The following RMND1 variants were observed in gnomAD, a reference collection of about 807,000 sequenced individuals.
RMND1 encodes required for meiotic nuclear division 1 homolog, also known as required for meiotic nuclear division protein 1 homolog.
In RMND1, 41 loss-of-function variants were observed where a neutral mutation model predicts 54.0. That is an observed-to-expected ratio of 0.76 (90% CI 0.59 to 0.98). The LOEUF (loss-of-function observed/expected upper bound fraction) is 0.98. RMND1 is among the 50% of genes least tolerant of loss of function. The probability of loss-of-function intolerance (pLI) is 0.00; values close to 1 mark genes in which losing one functional copy is unlikely to be tolerated. For missense variants in RMND1, 457 were observed against 532.0 expected (o/e 0.86, Z 1.39); for synonymous variants, 183 against 181.7 (o/e 1.01, Z -0.06).
At chr6:151,450,595 G>C (rs1347435429) in intron 1 of RMND1, among the ~76,000 whole-genome samples, 3 of 144,728 alleles carry the variant, frequency 2.1e-5, no homozygotes, top group Non-Finnish European at 4.5e-5. Flanking sequence ...TCAGCCCCCC[G>C]CCCGGCCAGC....
chr6:151,410,212 G>A lies in RMND1; in HGVS notation c.1201-4376C>T, dbSNP rs547425230. ...TGGGACTACAGACGCCCGCCACCAC[G>A]CCCAGCTAATTTTTTTGTATTTTTA... On this transcript the variant is annotated intron_variant, in intron 10 of 11. Coordinates refer to ENST00000444024, the MANE Select transcript of RMND1 (RefSeq NM_017909.4). Among the ~76,000 whole-genome samples, 199 of 152,006 alleles carry A rather than the reference G, an allele frequency of 1.3e-3. No homozygotes were observed. In the Middle Eastern group the frequency reaches 0.017, roughly 13 times the overall value.
intron 2 of RMND1, among the ~76,000 whole-genome samples, chr6:151,437,384 T>TA (rs1338508272): frequency 6.6e-6 from 1 of 152,252 alleles, no homozygotes; most frequent in Non-Finnish European, 1.5e-5. Flanking sequence ...TGTAAAATGT[T>TA]AAATATATTT....
rs143315024 is a variant in RMND1 at position 151,439,887 on chromosome 6, C to G, written c.505-3333G>C. On this transcript the variant is annotated intron_variant, in intron 2 of 11. Transcript: ENST00000444024. Reference sequence around the variant, plus strand: ...GTTGGTCAGGCTGGCCTCAAACTCCCGACCTCATCTGATCCTCCCGCCTCG... The same window carrying G: ...GTTGGTCAGGCTGGCCTCAAACTCCGGACCTCATCTGATCCTCCCGCCTCG... Among the ~76,000 whole-genome samples the G allele has an allele frequency of 5.8e-3, 859 of 148,498 alleles. 8 individuals are homozygous for G. Among genetic ancestry groups the G allele is most frequent in the African/African-American group, 0.02 (824 of 40,256 alleles).
At chr6:151,409,510 A>T (rs1368392463) in intron 10 of RMND1, among the ~76,000 whole-genome samples, 1 of 152,220 alleles carries the variant, frequency 6.6e-6, no homozygotes, top group Non-Finnish European at 1.5e-5. Flanking sequence ...TTTCATTTTG[A>T]AATTTTAATC....
At chr6:151,442,869 T>C (rs1036916791) in intron 2 of RMND1, among the ~76,000 whole-genome samples, 2 of 152,000 alleles carry the variant, frequency 1.3e-5, no homozygotes, top group African/African-American at 4.8e-5. Flanking sequence ...GCCAAAGGGA[T>C]GTGGGTTGAG....
In RMND1 at chr6:151,424,483, G is replaced by A. The variant is rs565444595; in HGVS notation, c.831-852C>T. Among the ~76,000 whole-genome samples the A allele has an allele frequency of 2.0e-5, 3 of 150,614 alleles. No individual in the cohort carries two copies. The East Asian group carries it at 5.9e-4, about 30-fold the overall frequency. ...GTCTCCAAAAAAAAAAAAAAGGTCA[G>A]TGTTTAAGAGTAAAAAATTAGGAAA... On this transcript the variant is annotated intron_variant, in intron 6 of 11. Transcript: ENST00000444024.
chr6:151,421,615 T>A (rs899247548), intron 8 of RMND1, among the ~76,000 whole-genome samples: 2 of 152,200 alleles, frequency 1.3e-5, no homozygotes, highest in Admixed American at 1.3e-4. Context: ...ATAATTAGAT[T>A]ACTCTTTCAC....
chr6:151,445,720 T>G lies in RMND1; in HGVS notation c.92A>C (p.Lys31Thr). ...TGTATTTTCAAATTCCTTAAGTGGTTTTAACATTAGATGACCGATTCTTCG... is the reference window on the plus strand; with the variant it reads ...TGTATTTTCAAATTCCTTAAGTGGTGTTAACATTAGATGACCGATTCTTCG... The part of the protein sequence containing the change: ...QCRRIGHLML[K>T]PLKEFENTTC... Residue 31 changes from lysine to threonine, a missense_variant, in exon 2 of 12, where the codon AAA becomes ACA. Lys to Thr is a moderately conservative substitution (Grantham distance 78, BLOSUM62 -1). Transcript: ENST00000444024. The G allele has an allele frequency of 6.2e-7, 1 of 1,614,182 alleles. No homozygotes were observed. Among genetic ancestry groups the G allele is most frequent in the Non-Finnish European group, 8.5e-7 (1 of 1,180,034 alleles).
intron 2 of RMND1, among the ~76,000 whole-genome samples, chr6:151,440,030 C>T (rs368880616): frequency 1.3e-5 from 2 of 152,196 alleles, no homozygotes; most frequent in South Asian, 4.1e-4. Context: ...GATCTCAGCT[C>T]ACTGCAACCT....
Position 151,408,835 on chromosome 6 carries a change from G to T in RMND1, c.1201-2999C>A, listed in dbSNP as rs1339685413. The T allele has an allele frequency of 2.0e-5, 3 of 152,188 alleles. No homozygotes were observed. The East Asian group carries it at 5.8e-4, about 29-fold the overall frequency. The allele number at this position is 152,188 out of a possible 1,614,324, so 9.4% of individuals were successfully genotyped here. On this transcript the variant is annotated intron_variant, in intron 10 of 11. Transcript: ENST00000444024. ...CAGTCACTGGAAAAGGTGAGGAAAT[G>T]GATTCCACTCGCAGTCTCCAAAGAG...
At chr6:151,425,451 T>TACACAC (rs375187928) in intron 6 of RMND1, among the ~76,000 whole-genome samples, 1 of 150,210 alleles carries the variant, frequency 6.7e-6, no homozygotes, top group Admixed American at 6.6e-5. Context: ...TGGATAAGCG[T>TACACAC]ACACACACAC....
chr6:151,451,764 G>A (rs1358521865), intron 1 of RMND1, among the ~76,000 whole-genome samples: 1 of 152,150 alleles, frequency 6.6e-6, no homozygotes, highest in African/African-American at 2.4e-5. Context: ...GGAGTATGCC[G>A]TTCAATTCCT....
chr6:151,423,711 C>T, intron 6 of RMND1, 80 bp from the exon 7 acceptor site: 10 of 928,948 alleles, frequency 1.1e-5, no homozygotes, highest in Non-Finnish European at 1.6e-5. Flanking sequence ...ACCATATCAT[C>T]TTTCTGGAGG....
chr6:151,430,739 G>A (rs531105406), intron 4 of RMND1, among the ~76,000 whole-genome samples: 3 of 152,160 alleles, frequency 2.0e-5, no homozygotes, highest in Non-Finnish European at 4.4e-5. Context: ...ATTATTTAGG[G>A]TCTAAAACTA....
At chr6:151,444,383 A>C (rs541072946) in intron 2 of RMND1, 1 of 152,356 alleles carries the variant, frequency 6.6e-6, no homozygotes, top group East Asian at 1.9e-4. Context: ...CAAGAATTGA[A>C]AGCATTCCAG....
intron 4 of RMND1, among the ~76,000 whole-genome samples, chr6:151,431,637 T>C (rs565590372): frequency 6.6e-6 from 1 of 152,150 alleles, no homozygotes; most frequent in African/African-American, 2.4e-5. Flanking sequence ...CATGTGGCTA[T>C]TGAGTGCTTG....
chr6:151,407,151 C>G (rs1252999904), intron 10 of RMND1, among the ~76,000 whole-genome samples: 1 of 151,676 alleles, frequency 6.6e-6, no homozygotes, highest in Non-Finnish European at 1.5e-5. Context: ...GAGATCCTGT[C>G]TCCAAAAAAA....
At chr6:151,448,004 C>G (rs980120645) in intron 1 of RMND1, among the ~76,000 whole-genome samples, 1 of 151,822 alleles carries the variant, frequency 6.6e-6, no homozygotes, top group Non-Finnish European at 1.5e-5. Flanking sequence ...TTAGTAGAGA[C>G]GGGGTTTCAT....
chr6:151,444,539 G>A (rs1480955369), intron 2 of RMND1: 2 of 152,150 alleles, frequency 1.3e-5, no homozygotes, highest in Non-Finnish European at 2.9e-5. Flanking sequence ...CTACTTTTCA[G>A]AATCAAGACT....
Sources: allele counts gnomAD v4.1 joint callset (sites outside exome capture counted in the v4.1 genomes callset), GRCh38; gene constraint gnomAD v4.1.1; transcripts MANE v1.5; gene names NCBI Gene and HGNC (gene_info 2026-07-23, HGNC 2026-07-21).